ATP2B4: variants seen among roughly 807,000 people sequenced by gnomAD.
The protein encoded by ATP2B4 is plasma membrane calcium-transporting ATPase 4.
In ATP2B4, 39 loss-of-function variants were observed where a neutral mutation model predicts 110.3. That is an observed-to-expected ratio of 0.35 (90% CI 0.27 to 0.46). The LOEUF (loss-of-function observed/expected upper bound fraction) is 0.46, where lower values mean the gene tolerates loss of function less well. Ranked by LOEUF, ATP2B4 falls within the 20% of genes least tolerant of loss-of-function variation. ATP2B4 has a pLI of 1.00. For synonymous variants in ATP2B4, 538 were observed against 571.7 expected, an observed-to-expected ratio of 0.94 and a Z score of 0.84; for missense variants, 1,135 against 1,530.9, an observed-to-expected ratio of 0.74 and a Z score of 4.32.
intron 2 of ATP2B4, among the ~76,000 whole-genome samples, chr1:203,686,685 C>CTTTTTTCTTTCTTTTT (rs1665194666): frequency 2.3e-5 from 1 of 42,776 alleles, no homozygotes. Flanking sequence ...TCTTTTCTTT[C>CTTTTTTCTTTCTTTTT]TTTTTTTTTT....
intron 2 of ATP2B4, among the ~76,000 whole-genome samples, chr1:203,685,934 G>A (rs1274467949): frequency 6.6e-6 from 1 of 151,518 alleles, no homozygotes; most frequent in Non-Finnish European, 1.5e-5. Flanking sequence ...GCAATGTTTT[G>A]TCCTATCTGG....
At chr1:203,715,199 C>T (rs954362485) in intron 15 of ATP2B4, among the ~76,000 whole-genome samples, 6 of 150,498 alleles carry the variant, frequency 4.0e-5, no homozygotes, top group South Asian at 2.1e-4. Context: ...CACTTGAACC[C>T]GGGAGGCAGA....
intron 1 of ATP2B4, among the ~76,000 whole-genome samples, chr1:203,670,097 C>G (rs975225612): frequency 3.9e-5 from 6 of 152,208 alleles, no homozygotes; most frequent in African/African-American, 1.2e-4. Context: ...CCTTGGGACA[C>G]TGAAATATGT....
chr1:203,675,714 G>C (rs1664809133), intron 1 of ATP2B4, among the ~76,000 whole-genome samples: 1 of 152,172 alleles, frequency 6.6e-6, no homozygotes, highest in Admixed American at 6.5e-5. Flanking sequence ...GGGGAAGTAA[G>C]TGAGGGAGGC....
At chr1:203,663,358 C>T (rs1664406350) in intron 1 of ATP2B4, among the ~76,000 whole-genome samples, 1 of 151,992 alleles carries the variant, frequency 6.6e-6, no homozygotes, top group African/African-American at 2.4e-5. Flanking sequence ...CCTTTTGTAC[C>T]TCCACAACAC....
At chr1:203,641,313 A>C (rs1476454475) in intron 1 of ATP2B4, among the ~76,000 whole-genome samples, 2 of 152,180 alleles carry the variant, frequency 1.3e-5, no homozygotes, top group African/African-American at 4.8e-5. Context: ...CTTAGATCTG[A>C]TGTCCTCTGC....
Position 203,709,421 on chromosome 1 carries a change from GAGA to G in ATP2B4, c.1681_1683del (p.Lys561del). 1 of 1,614,222 alleles carries G rather than the reference GAGA, an allele frequency of 6.2e-7. No individual in the cohort carries two copies. Among genetic ancestry groups the G allele is most frequent in the Non-Finnish European group, 8.5e-7 (1 of 1,180,040 alleles). ...GGCTGTGCGTAATGAAGTGCCCGAG[GAGA>G]AGCTCTACAAGGTGTACACCTTTAA... is the stretch of plus-strand genomic sequence containing the variant. On this transcript the variant is annotated inframe_deletion, in exon 11 of 21. Transcript: ENST00000357681.
At chr1:203,681,347 A>G (rs1193209980) in intron 1 of ATP2B4, among the ~76,000 whole-genome samples, 4 of 152,192 alleles carry the variant, frequency 2.6e-5, no homozygotes, top group African/African-American at 9.7e-5. Context: ...TCATTGATAA[A>G]AGAATCAAGT....
intron 1 of ATP2B4, among the ~76,000 whole-genome samples, chr1:203,659,947 TG>T (rs1325774440): frequency 6.6e-6 from 1 of 151,972 alleles, no homozygotes; most frequent in African/African-American, 2.4e-5. Flanking sequence ...CCGGGCGTGG[TG>T]GCAGGTGCCT....
intron 19 of ATP2B4, among the ~76,000 whole-genome samples, chr1:203,724,868 T>TTTTC: frequency 8.7e-6 from 1 of 115,058 alleles, no homozygotes; most frequent in Non-Finnish European, 1.8e-5. Context: ...CAGCTCTCTG[T>TTTTC]TTTTTTTTTT....
intron 1 of ATP2B4, among the ~76,000 whole-genome samples, chr1:203,678,591 A>G (rs1471211652): frequency 6.6e-6 from 1 of 152,024 alleles, no homozygotes; most frequent in East Asian, 1.9e-4. Context: ...TTTTGTAGAG[A>G]CAGGGTTTCA....
Position 203,703,700 on chromosome 1 carries a change from A to G in ATP2B4, c.986A>G (p.Gln329Arg), listed in dbSNP as rs145882632. ...VALEIQPLNSQEGIDNEEKDK... is the reference protein window; with the variant it reads ...VALEIQPLNSREGIDNEEKDK... ...CTGGAAATCCAGCCACTCAACAGCCAGGAGGGAATCGACAATGAGGAAAAG... is the reference window on the plus strand; with the variant it reads ...CTGGAAATCCAGCCACTCAACAGCCGGGAGGGAATCGACAATGAGGAAAAG... Residue 329 changes from glutamine to arginine, a missense_variant, in exon 8 of 21, where the codon CAG becomes CGG. Physicochemically the swap from Gln to Arg is conservative, Grantham distance 43. Transcript: ENST00000357681. 3.1e-6 allele frequency: 5 copies of G among 1,614,090 alleles called. No homozygotes were observed. The African/African-American group carries it at 5.3e-5, about 17-fold the overall frequency.
intron 5 of ATP2B4, 105 bp from the exon 6 acceptor site, chr1:203,700,693 A>G: frequency 6.9e-7 from 1 of 1,453,910 alleles, no homozygotes; most frequent in Non-Finnish European, 9.5e-7. Context: ...ATCATTATCC[A>G]TGGGGTAGGG....
intron 1 of ATP2B4, among the ~76,000 whole-genome samples, chr1:203,668,985 G>A (rs11240711): frequency 0.92 from 140,055 of 152,194 alleles, 65,163 homozygotes; most frequent in Non-Finnish European, 0.99. Flanking sequence ...GGTGGAAATA[G>A]TTTGGTGCTA....
At chr1:203,676,590 C>T (rs866450713) in intron 1 of ATP2B4, among the ~76,000 whole-genome samples, 1 of 152,158 alleles carries the variant, frequency 6.6e-6, no homozygotes, top group East Asian at 1.9e-4. Context: ...TTAAACCCCC[C>T]AAGGTGGTGC....
intron 1 of ATP2B4, among the ~76,000 whole-genome samples, chr1:203,668,287 C>G (rs1198955506): frequency 2.0e-5 from 3 of 152,146 alleles, no homozygotes; most frequent in Non-Finnish European, 4.4e-5. Flanking sequence ...GAGCCAGGGT[C>G]AGATTGTAGT....
rs1205592377 is a variant in ATP2B4, at chr1:203,629,919, G to A, written c.-465+2700G>A. 6.6e-6 allele frequency among the ~76,000 whole-genome samples: 1 copy of A among 152,162 alleles called. No individual in the cohort carries two copies. The highest frequency in any genetic ancestry group is 2.4e-5 in the African/African-American group (1 of 41,430). On this transcript the variant is annotated intron_variant, in intron 1 of 20. Transcript: ENST00000357681. The surrounding 1 kb of genome is among the most constrained non-coding windows in gnomAD (Gnocchi z 4.6). Reference sequence around the variant, plus strand: ...GTTGAGAGAAGCACGGGCAGTTTGGGGGCCTTGGAATCAGCCTGACGCCAG... The same window carrying A: ...GTTGAGAGAAGCACGGGCAGTTTGGAGGCCTTGGAATCAGCCTGACGCCAG...
chr1:203,673,630 G>A (rs1405112415), intron 1 of ATP2B4, among the ~76,000 whole-genome samples: 4 of 152,244 alleles, frequency 2.6e-5, no homozygotes, highest in Non-Finnish European at 5.9e-5. Context: ...TGTCAGAGTG[G>A]AGAAAGGGAA....
rs532103160 is a variant in ATP2B4, at chr1:203,698,140, T to C, written c.194-17T>C. 3.1e-6 allele frequency: 5 copies of C among 1,613,488 alleles called. No homozygotes were observed. The East Asian group carries it at 8.9e-5, about 29-fold the overall frequency. ...TTTTTTCCTACATTCATTCATCCAC[T>C]CCTATCTCCTTTTCAGGTCTGTCTG... is the stretch of plus-strand genomic sequence containing the variant. On this transcript the variant is annotated splice_polypyrimidine_tract_variant and intron_variant, in intron 2 of 20. Coordinates refer to ENST00000357681, the MANE Select transcript of ATP2B4 (RefSeq NM_001684.5).
Sources: allele counts gnomAD v4.1 joint callset (sites outside exome capture counted in the v4.1 genomes callset), GRCh38; gene constraint gnomAD v4.1.1; non-coding constraint Gnocchi (gnomAD v3.1); transcripts MANE v1.5; gene names NCBI Gene and HGNC (gene_info 2026-07-23, HGNC 2026-07-21).